PPIP5K2: variants seen among roughly 807,000 people sequenced by gnomAD.
PPIP5K2 encodes inositol hexakisphosphate and diphosphoinositol-pentakisphosphate kinase 2.
In PPIP5K2, 105 loss-of-function variants were observed where a neutral mutation model predicts 154.6. The observed-to-expected ratio is 0.68, with a 90% confidence interval of 0.58 to 0.80. PPIP5K2 has a LOEUF of 0.80. Ranked by LOEUF, PPIP5K2 falls within the 30% of genes least tolerant of loss-of-function variation. The pLI is 0.00. For missense variants in PPIP5K2, 992 were observed against 1,504.6 expected, an observed-to-expected ratio of 0.66 and a Z score of 5.64; for synonymous variants, 480 against 490.3, an observed-to-expected ratio of 0.98 and a Z score of 0.28.
rs1205393328 is a variant in PPIP5K2 at position 103,171,667 on chromosome 5, C to T, written c.2287-1488C>T. On this transcript the variant is annotated intron_variant, in intron 19 of 30. Coordinates refer to ENST00000358359, the MANE Select transcript of PPIP5K2 (RefSeq NM_001276277.3). Reference sequence around the variant, plus strand: ...ATAAAACTAGAAAATACAGATAGAGCAAAAAAATTACTATAACATTACCAA... The same window carrying T: ...ATAAAACTAGAAAATACAGATAGAGTAAAAAAATTACTATAACATTACCAA... Among the ~76,000 whole-genome samples, 8 of 151,310 alleles carry T rather than the reference C, an allele frequency of 5.3e-5. No homozygotes were observed. The South Asian group carries it at 1.7e-3, about 32-fold the overall frequency.
rs782198886 is a variant in PPIP5K2 at position 103,133,581 on chromosome 5, G to A, written c.243G>A (p.Glu81=). ...TCACAGTAGTAGTATTTGAAGAGGA[G>A]GTTATTTTGAATGAACCAGTGGAAA... is the stretch of plus-strand genomic sequence containing the variant. ...KYITVVVFEE[E]VILNEPVENW... is the part of the protein sequence containing the mutation. The change falls in exon 3 of 31, where the codon GAG becomes GAA. Residue 81 remains glutamate (E), a synonymous_variant. Coordinates refer to ENST00000358359, the MANE Select transcript of PPIP5K2 (RefSeq NM_001276277.3). The A allele has an allele frequency of 1.9e-6, 3 of 1,611,610 alleles. No homozygotes were observed. In the African/African-American group the frequency reaches 4.0e-5, roughly 22 times the overall value.
At chr5:103,165,022 T>C (rs1554217309) in intron 17 of PPIP5K2, among the ~76,000 whole-genome samples, 1 of 152,054 alleles carries the variant, frequency 6.6e-6, no homozygotes, top group Non-Finnish European at 1.5e-5. Context: ...TAACCTCAGG[T>C]AAGTCACTCA....
intron 29 of PPIP5K2, among the ~76,000 whole-genome samples, chr5:103,192,479 A>G (rs1238416558): frequency 6.6e-6 from 1 of 152,094 alleles, no homozygotes; most frequent in Non-Finnish European, 1.5e-5. Flanking sequence ...TTGAAATCTT[A>G]AAATAGAGAT....
chr5:103,167,436 A>G, intron 18 of PPIP5K2, 116 bp downstream of exon 18: 1 of 872,066 alleles, frequency 1.1e-6, no homozygotes, highest in Non-Finnish European at 1.7e-6. Context: ...AGAGCTATGT[A>G]TAGTATGAGT....
intron 1 of PPIP5K2, among the ~76,000 whole-genome samples, chr5:103,121,625 T>G (rs2149418571): frequency 6.6e-6 from 1 of 152,354 alleles, no homozygotes; most frequent in East Asian, 1.9e-4. Context: ...AAGTTAGACA[T>G]GATCTCTGTC....
rs1803795883 is a variant in PPIP5K2, at chr5:103,211,325, C to T, written c.*9691C>T. Reference sequence around the variant, plus strand: ...TATAACTCATTTTGACCACTCCTCCCTCAAAAAAAATTGTCCCTAGAAAAC... The same window carrying T: ...TATAACTCATTTTGACCACTCCTCCTTCAAAAAAAATTGTCCCTAGAAAAC... On this transcript the variant is annotated 3_prime_UTR_variant, in exon 31 of 31. Transcript: ENST00000358359. The T allele has an allele frequency of 6.6e-6, 1 of 152,004 alleles. No individual in the cohort carries two copies. The highest frequency in any genetic ancestry group is 1.5e-5 in the Non-Finnish European group (1 of 67,946). The allele number at this position is 152,004 out of a possible 1,614,324, so 9.4% of individuals were successfully genotyped here.
chr5:103,181,127 G>C (rs537664652), intron 24 of PPIP5K2, among the ~76,000 whole-genome samples: 3 of 152,202 alleles, frequency 2.0e-5, no homozygotes, highest in African/African-American at 7.2e-5. Flanking sequence ...AATGAAGCTT[G>C]TTAAATAAAG....
At chr5:103,188,917 C>T in intron 28 of PPIP5K2, 1 of 361,508 alleles carries the variant, frequency 2.8e-6, no homozygotes, top group Non-Finnish European at 4.9e-6. Context: ...GCATTCTTTT[C>T]TATTCTACAA....
intron 2 of PPIP5K2, 72 bp downstream of exon 2, chr5:103,129,775 C>CT (rs1562365761): frequency 1.4e-6 from 2 of 1,398,192 alleles, no homozygotes; most frequent in African/African-American, 1.5e-5. Flanking sequence ...CACTGTTAGT[C>CT]TTTTTTTGTT....
In PPIP5K2 at chr5:103,132,545, CAAAAA is replaced by C. The variant is rs1215595686; in HGVS notation, c.115-901_115-897del. Among the ~76,000 whole-genome samples, 4 of 138,096 alleles carry C rather than the reference CAAAAA, an allele frequency of 2.9e-5. No homozygotes were observed. In the East Asian group the frequency reaches 8.4e-4, roughly 29 times the overall value. 90.6% of individuals were successfully genotyped at this position (138,096 alleles called of 152,430 possible). On this transcript the variant is annotated intron_variant, in intron 2 of 30. Transcript: ENST00000358359. ...TGGGCGACAGAGCGAGACTTTGTCT[CAAAAA>C]AAAAAATTAATTAATTAATTCTGAT... is the stretch of plus-strand genomic sequence containing the variant.
At chr5:103,141,308 C>CT (rs1792596501) in intron 5 of PPIP5K2, among the ~76,000 whole-genome samples, 1 of 152,024 alleles carries the variant, frequency 6.6e-6, no homozygotes, top group African/African-American at 2.4e-5. Context: ...TTTCTTCCTT[C>CT]TGGTGGGTTC....
chr5:103,126,750 T>TC (rs1336278656), intron 1 of PPIP5K2, among the ~76,000 whole-genome samples: 5 of 151,464 alleles, frequency 3.3e-5, no homozygotes, highest in Admixed American at 6.6e-5. Context: ...TTCACGTTTT[T>TC]TTTTTTTTTT....
At chr5:103,164,563 T>G (rs782682217) in intron 17 of PPIP5K2, among the ~76,000 whole-genome samples, 3 of 152,048 alleles carry the variant, frequency 2.0e-5, no homozygotes, top group Non-Finnish European at 4.4e-5. Context: ...ATATAAATGT[T>G]TCCAGTGGAG....
intron 17 of PPIP5K2, among the ~76,000 whole-genome samples, chr5:103,166,050 GA>G (rs1428370875): frequency 6.6e-6 from 1 of 152,028 alleles, no homozygotes; most frequent in Non-Finnish European, 1.5e-5. Context: ...AACAGAAGAT[GA>G]AACTGATTTT....
intron 5 of PPIP5K2, among the ~76,000 whole-genome samples, chr5:103,144,156 TA>T (rs34523301): frequency 8.1e-4 from 112 of 139,024 alleles, no homozygotes; most frequent in South Asian, 9.2e-4. Context: ...AAAAAGAAAC[TA>T]AAAAAAAAAA....
At chr5:103,199,761 A>G (rs1418776596) in intron 30 of PPIP5K2, among the ~76,000 whole-genome samples, 1 of 151,358 alleles carries the variant, frequency 6.6e-6, no homozygotes, top group African/African-American at 2.4e-5. Context: ...CAGACCTTTT[A>G]TTTCAGATAT....
In PPIP5K2 at chr5:103,170,034, G is replaced by A. The variant is rs573159855; in HGVS notation, c.2286+1739G>A. On this transcript the variant is annotated intron_variant, in intron 19 of 30. Coordinates refer to ENST00000358359, the MANE Select transcript of PPIP5K2 (RefSeq NM_001276277.3). ...GCTTATTTAATCTCACCCCTCTACTGTTTCCATTATATATACTAAATATTT... is the reference window on the plus strand; with the variant it reads ...GCTTATTTAATCTCACCCCTCTACTATTTCCATTATATATACTAAATATTT... Among the ~76,000 whole-genome samples, 14 of 151,356 alleles carry A rather than the reference G, an allele frequency of 9.2e-5. No homozygotes were observed. The East Asian group carries it at 1.4e-3, about 15-fold the overall frequency.
chr5:103,162,523 C>A (rs1332649491), intron 17 of PPIP5K2, among the ~76,000 whole-genome samples: 1 of 151,828 alleles, frequency 6.6e-6, no homozygotes, highest in Non-Finnish European at 1.5e-5. Context: ...CCACCATGCT[C>A]AGCTAACTTT....
intron 1 of PPIP5K2, among the ~76,000 whole-genome samples, chr5:103,121,000 C>G (rs897630496): frequency 6.6e-6 from 1 of 152,132 alleles, no homozygotes; most frequent in Admixed American, 6.5e-5. Flanking sequence ...ATTTGGAGGT[C>G]GTTGCAGCCT....
Sources: allele counts gnomAD v4.1 joint callset (sites outside exome capture counted in the v4.1 genomes callset), GRCh38; gene constraint gnomAD v4.1.1; transcripts MANE v1.5; gene names NCBI Gene and HGNC (gene_info 2026-07-23, HGNC 2026-07-21).